Variants in TBC1D5 observed in about 807,000 individuals in gnomAD.
TBC1D5 encodes the protein TBC1 domain family, member 5.
In TBC1D5, 75 loss-of-function variants were observed where a neutral mutation model predicts 100.3. The observed-to-expected ratio is 0.75, with a 90% CI of 0.62 to 0.91. The LOEUF (loss-of-function observed/expected upper bound fraction) is 0.91, where lower values mean the gene tolerates loss of function less well. Among genes scored for constraint, TBC1D5 ranks in the 40% least tolerant of loss-of-function variants. TBC1D5 has a pLI of 0.00. For synonymous variants in TBC1D5, 323 were observed against 325.6 expected (o/e 0.99, Z 0.09); for missense variants, 910 against 942.4 (o/e 0.97, Z 0.45).
intron 13 of TBC1D5, among the ~76,000 whole-genome samples, chr3:17,338,966 G>A: frequency 6.6e-6 from 1 of 152,150 alleles, no homozygotes; most frequent in East Asian, 1.9e-4. Flanking sequence ...TTCACAGAGG[G>A]TTTGATGGTC....
intron 1 of TBC1D5, among the ~76,000 whole-genome samples, chr3:17,721,010 T>C (rs2075654192): frequency 6.6e-6 from 1 of 151,952 alleles, no homozygotes; most frequent in Non-Finnish European, 1.5e-5. Context: ...TGAGTAATTT[T>C]TGTATTTGTT....
chr3:17,725,842 T>C lies in TBC1D5; in HGVS notation c.-101+13501A>G, dbSNP rs1244585948. On this transcript the variant is annotated intron_variant, in intron 1 of 21. Transcript: ENST00000253692. Reference sequence around the variant, plus strand: ...TAAACACAGTACTCAATAGGTACTTTTATGATCATCTCCCTCCTCCTCCCA... The same window carrying C: ...TAAACACAGTACTCAATAGGTACTTCTATGATCATCTCCCTCCTCCTCCCA... Among the ~76,000 whole-genome samples, 4 of 152,190 alleles carry C rather than the reference T, an allele frequency of 2.6e-5. No individual in the cohort carries two copies. The East Asian group carries it at 7.7e-4, about 29-fold the overall frequency.
intron 3 of TBC1D5, among the ~76,000 whole-genome samples, chr3:17,487,296 T>C (rs2095581459): frequency 6.6e-6 from 1 of 152,212 alleles, no homozygotes; most frequent in South Asian, 2.1e-4. Flanking sequence ...AAGATTTCTC[T>C]ATCCTGTCCA....
At chr3:17,650,390 C>T (rs1314528262) in intron 1 of TBC1D5, among the ~76,000 whole-genome samples, 1 of 151,996 alleles carries the variant, frequency 6.6e-6, no homozygotes, top group African/African-American at 2.4e-5. Context: ...TGGCTGGATT[C>T]TAATAAGATG....
At chr3:17,526,406 G>C (rs1042245441) in intron 2 of TBC1D5, among the ~76,000 whole-genome samples, 1 of 152,046 alleles carries the variant, frequency 6.6e-6, no homozygotes, top group Non-Finnish European at 1.5e-5. Context: ...TTTATGTAGA[G>C]ACCAGGTCTC....
At chr3:17,172,279 C>A (rs2067240124) in intron 19 of TBC1D5, among the ~76,000 whole-genome samples, 1 of 152,196 alleles carries the variant, frequency 6.6e-6, no homozygotes, top group Admixed American at 6.5e-5. Context: ...CCATGTAAAT[C>A]ATTTCCCTAA....
chr3:17,602,550 G>T (rs966192864), intron 2 of TBC1D5, among the ~76,000 whole-genome samples: 1 of 145,318 alleles, frequency 6.9e-6, no homozygotes, highest in African/African-American at 2.5e-5. Flanking sequence ...GCCATAATAC[G>T]AGAGAATCAG....
At chr3:17,310,027 C>T (rs374160365) in intron 13 of TBC1D5, among the ~76,000 whole-genome samples, 40 of 152,168 alleles carry the variant, frequency 2.6e-4, no homozygotes, top group African/African-American at 8.9e-4. Context: ...CAAATCCTTG[C>T]CATTTTCTTA....
chr3:17,414,790 G>A (rs925485266), intron 4 of TBC1D5, among the ~76,000 whole-genome samples: 9 of 152,100 alleles, frequency 5.9e-5, no homozygotes, highest in Admixed American at 2.0e-4. Flanking sequence ...CCTGTACCAC[G>A]AATTTTCTAA....
upstream of TBC1D5, among the ~76,000 whole-genome samples, chr3:17,742,329 T>C (rs1451519029): frequency 6.6e-6 from 1 of 152,138 alleles, no homozygotes. Context: ...CGGCTGCGGC[T>C]GCAGCAGCGG....
chr3:17,620,231 G>A (rs933728334), intron 2 of TBC1D5, among the ~76,000 whole-genome samples: 3 of 152,172 alleles, frequency 2.0e-5, no homozygotes, highest in African/African-American at 7.2e-5. Context: ...GGGCTCAGGG[G>A]ATCCTCTCAA....
At chr3:17,568,402 G>C (rs2096606325) in intron 2 of TBC1D5, among the ~76,000 whole-genome samples, 1 of 151,270 alleles carries the variant, frequency 6.6e-6, no homozygotes, top group Admixed American at 6.6e-5. Flanking sequence ...AACTGCTTTT[G>C]TTTATATATT....
chr3:17,628,325 A>G (rs1053960543), intron 1 of TBC1D5, among the ~76,000 whole-genome samples: 3 of 151,738 alleles, frequency 2.0e-5, no homozygotes, highest in Admixed American at 6.6e-5. Context: ...AGCCAAGATC[A>G]CGCCACTGCA....
chr3:17,444,052 A>T (rs1187194974), intron 3 of TBC1D5, among the ~76,000 whole-genome samples: 1 of 152,192 alleles, frequency 6.6e-6, no homozygotes. Flanking sequence ...GTTACAGCTT[A>T]AAGAATAAAT....
At chr3:17,289,552 T>G (rs1226748076) in intron 15 of TBC1D5, among the ~76,000 whole-genome samples, 1 of 151,696 alleles carries the variant, frequency 6.6e-6, no homozygotes, top group Non-Finnish European at 1.5e-5. Flanking sequence ...GAGAATCGCT[T>G]GAACCTGGGA....
intron 2 of TBC1D5, among the ~76,000 whole-genome samples, chr3:17,591,233 C>CAAAAAAAA (rs60889092): frequency 0.017 from 319 of 18,600 alleles, 40 homozygotes; most frequent in Non-Finnish European, 0.031. Flanking sequence ...AAGGATCTGT[C>CAAAAAAAA]AAAAAAAAAA....
intron 2 of TBC1D5, among the ~76,000 whole-genome samples, chr3:17,561,864 T>C (rs2096561340): frequency 1.3e-5 from 2 of 152,112 alleles, no homozygotes; most frequent in African/African-American, 2.4e-5. Flanking sequence ...AAGTAATCTT[T>C]CCAAAAATGC....
At chr3:17,623,302 T>G (rs1181629790) in intron 2 of TBC1D5, among the ~76,000 whole-genome samples, 3 of 152,196 alleles carry the variant, frequency 2.0e-5, no homozygotes, top group Admixed American at 2.0e-4. Context: ...ATAGTTTGGA[T>G]AGTAAGTGTA....
At chr3:17,357,239 G>A (rs1289963956) in intron 13 of TBC1D5, among the ~76,000 whole-genome samples, 2 of 152,156 alleles carry the variant, frequency 1.3e-5, no homozygotes, top group Non-Finnish European at 2.9e-5. Flanking sequence ...TGGTGGAGGG[G>A]AGTCAGGACA....
Sources: gnomAD v4.1 joint callset for allele counts (sites outside exome capture counted in the v4.1 genomes callset) on GRCh38, gnomAD v4.1.1 for gene constraint, MANE v1.5 for transcripts, NCBI Gene and HGNC (gene_info 2026-07-23, HGNC 2026-07-21) for gene names.